RSU1: variants seen among roughly 807,000 people sequenced by gnomAD.
RSU1 encodes Ras suppressor protein 1, also known as rsu-1.
A neutral mutation model predicts 31.1 loss-of-function variants in RSU1; 26 were observed. That is an observed-to-expected ratio of 0.84 (90% CI 0.61 to 1.16). The LOEUF (loss-of-function observed/expected upper bound fraction) is 1.16. Ranked by LOEUF, RSU1 falls within the 50% of genes most tolerant of loss-of-function variation. The probability of loss-of-function intolerance (pLI) is 0.00; values close to 1 mark genes in which losing one functional copy is unlikely to be tolerated. For missense variants in RSU1, 320 were observed against 339.1 expected, an observed-to-expected ratio of 0.94 and a Z score of 0.44; for synonymous variants, 164 against 136.3, an observed-to-expected ratio of 1.20 and a Z score of -1.41.
intron 3 of RSU1, among the ~76,000 whole-genome samples, chr10:16,781,264 G>A (rs1837643475): frequency 6.6e-6 from 1 of 151,994 alleles, no homozygotes; most frequent in African/African-American, 2.4e-5. Flanking sequence ...CGAAGAAAAC[G>A]GCCCATCATG....
In RSU1 at chr10:16,590,620, G is replaced by C. The variant is rs1180894618; in HGVS notation, c.*2774C>G. 2 of 151,996 alleles carry C rather than the reference G, an allele frequency of 1.3e-5. No homozygotes were observed. The highest frequency in any genetic ancestry group is 2.9e-5 in the Non-Finnish European group (2 of 67,980). The allele number at this position is 151,996 out of a possible 1,614,324, so 9.4% of individuals were successfully genotyped here. ...TACCATGACATACCAATTTGATTTT[G>C]AAAAATACATGCATTTAATATTTTC... On this transcript the variant is annotated 3_prime_UTR_variant, in exon 9 of 9. Coordinates refer to ENST00000345264, the MANE Select transcript of RSU1 (RefSeq NM_012425.4).
intron 2 of RSU1, among the ~76,000 whole-genome samples, 198 bp from the exon 3 acceptor site, chr10:16,782,282 G>A (rs547546110): frequency 6.6e-6 from 1 of 152,288 alleles, no homozygotes; most frequent in Non-Finnish European, 1.5e-5. Context: ...TGCAACTAAC[G>A]GTGCAATTAG....
intron 8 of RSU1, among the ~76,000 whole-genome samples, chr10:16,663,081 G>A (rs551280457): frequency 1.4e-4 from 22 of 152,140 alleles, no homozygotes; most frequent in Non-Finnish European, 2.8e-4. Context: ...CCCATTCATG[G>A]TGTCTCAGAT....
At chr10:16,715,955 G>T (rs979600314) in intron 7 of RSU1, among the ~76,000 whole-genome samples, 8 of 152,120 alleles carry the variant, frequency 5.3e-5, no homozygotes, top group African/African-American at 1.7e-4. Context: ...TTAAATATAG[G>T]CAAGCATTTC....
intron 4 of RSU1, among the ~76,000 whole-genome samples, chr10:16,759,195 A>G (rs752627710): frequency 2.6e-5 from 4 of 152,110 alleles, no homozygotes; most frequent in African/African-American, 4.8e-5. Context: ...CACTTATCAA[A>G]AATAAAAATT....
At chr10:16,781,797 G>C (rs933495161) in intron 3 of RSU1, among the ~76,000 whole-genome samples, 1 of 151,996 alleles carries the variant, frequency 6.6e-6, no homozygotes, top group African/African-American at 2.4e-5. Context: ...GACCAACCTG[G>C]GTAACACGGC....
chr10:16,723,867 T>C (rs539484058), intron 7 of RSU1, among the ~76,000 whole-genome samples: 1 of 152,340 alleles, frequency 6.6e-6, no homozygotes, highest in African/African-American at 2.4e-5. Flanking sequence ...ATATTCACCA[T>C]GTTAGTAATC....
At chr10:16,817,198 C>G (rs1007193447) in intron 1 of RSU1, 114 bp from the exon 2 acceptor site, 2 of 713,004 alleles carry the variant, frequency 2.8e-6, no homozygotes, top group Non-Finnish European at 5.0e-6. Flanking sequence ...GGGTGGGCGT[C>G]CGAGGGCGTC....
chr10:16,643,393 A>G (rs1834479231), intron 8 of RSU1, among the ~76,000 whole-genome samples: 1 of 152,204 alleles, frequency 6.6e-6, no homozygotes, highest in Admixed American at 6.5e-5. Flanking sequence ...TGGCTAGATT[A>G]TTAACTTAGT....
intron 7 of RSU1, among the ~76,000 whole-genome samples, chr10:16,734,843 T>C (rs954328394): frequency 5.3e-5 from 8 of 152,134 alleles, no homozygotes; most frequent in African/African-American, 1.9e-4. Context: ...TTCACAGAGA[T>C]GATTTAGTTA....
intron 2 of RSU1, among the ~76,000 whole-genome samples, chr10:16,787,803 T>G (rs866753917): frequency 6.6e-6 from 1 of 152,250 alleles, no homozygotes; most frequent in African/African-American, 2.4e-5. Flanking sequence ...TCTCTCTTTA[T>G]AAATTACACA....
chr10:16,626,921 C>T (rs1403291558), intron 8 of RSU1, among the ~76,000 whole-genome samples: 2 of 152,242 alleles, frequency 1.3e-5, no homozygotes, highest in Non-Finnish European at 2.9e-5. Flanking sequence ...AGTGGGTAGT[C>T]GTGGAAACGA....
intron 7 of RSU1, among the ~76,000 whole-genome samples, chr10:16,724,806 G>A (rs1399464704): frequency 6.6e-6 from 1 of 152,192 alleles, no homozygotes. Context: ...CGAGAACTAG[G>A]GCTGACACAC....
chr10:16,684,716 C>T (rs942627981), intron 8 of RSU1, among the ~76,000 whole-genome samples: 2 of 152,138 alleles, frequency 1.3e-5, no homozygotes, highest in African/African-American at 4.8e-5. Flanking sequence ...TTAAACCATG[C>T]CGTTTGTGGT....
chr10:16,704,790 T>G (rs1004058664), intron 7 of RSU1, among the ~76,000 whole-genome samples: 2 of 152,204 alleles, frequency 1.3e-5, no homozygotes, highest in Admixed American at 6.5e-5. Flanking sequence ...AATTGGTTAT[T>G]TTTAAAAAAA....
At chr10:16,652,015 G>A (rs1834692557) in intron 8 of RSU1, among the ~76,000 whole-genome samples, 1 of 152,132 alleles carries the variant, frequency 6.6e-6, no homozygotes, top group African/African-American at 2.4e-5. Context: ...CTAAATTTGG[G>A]GGAGGAGAGA....
chr10:16,768,172 G>A (rs1837352301), intron 3 of RSU1, among the ~76,000 whole-genome samples: 1 of 152,144 alleles, frequency 6.6e-6, no homozygotes, highest in African/African-American at 2.4e-5. Flanking sequence ...AAAGAGCAAC[G>A]TGGTCCCTGA....
At chr10:16,719,307 C>G (rs1405363888) in intron 7 of RSU1, among the ~76,000 whole-genome samples, 2 of 152,168 alleles carry the variant, frequency 1.3e-5, no homozygotes, top group Non-Finnish European at 1.5e-5. Context: ...AACTCCATCT[C>G]AAAAACAAAA....
chr10:16,679,827 G>A (rs1053373978), intron 8 of RSU1, among the ~76,000 whole-genome samples: 8 of 150,574 alleles, frequency 5.3e-5, no homozygotes, highest in African/African-American at 2.0e-4. Flanking sequence ...CAAAGATACG[G>A]TGATGGAAAA....
Sources: allele counts gnomAD v4.1 joint callset (sites outside exome capture counted in the v4.1 genomes callset), GRCh38; gene constraint gnomAD v4.1.1; transcripts MANE v1.5; gene names NCBI Gene and HGNC (gene_info 2026-07-23, HGNC 2026-07-21).